The following SLIT3 variants were observed in gnomAD, a reference collection of about 807,000 sequenced individuals.
SLIT3 encodes the protein slit homolog 3 protein.
A neutral mutation model predicts 184.0 loss-of-function variants in SLIT3; 68 were observed. The observed-to-expected ratio is 0.37, with a 90% CI of 0.30 to 0.45. The LOEUF (loss-of-function observed/expected upper bound fraction) is 0.45, where lower values mean the gene tolerates loss of function less well. Ranked by LOEUF, SLIT3 falls within the 20% of genes least tolerant of loss-of-function variation. The pLI, the probability that SLIT3 is intolerant of heterozygous loss-of-function variation, is 1.00. For missense variants in SLIT3, 1,707 were observed against 2,026.0 expected, an observed-to-expected ratio of 0.84 and a Z score of 3.02; for synonymous variants, 831 against 828.6, an observed-to-expected ratio of 1.00 and a Z score of -0.05.
chr5:169,280,432 C>G (rs1766959349), intron 1 of SLIT3, among the ~76,000 whole-genome samples: 1 of 152,152 alleles, frequency 6.6e-6, no homozygotes, highest in Non-Finnish European at 1.5e-5. Flanking sequence ...CAATCACATC[C>G]TCCCCACAGG....
chr5:168,786,815 C>G (rs766927333), intron 11 of SLIT3, among the ~76,000 whole-genome samples: 48 of 152,246 alleles, frequency 3.2e-4, no homozygotes, highest in Non-Finnish European at 5.4e-4. Context: ...CGGCTGGCCT[C>G]TCTCTGCTCC....
At chr5:168,957,035 C>T (rs1762849149) in intron 4 of SLIT3, among the ~76,000 whole-genome samples, 1 of 151,534 alleles carries the variant, frequency 6.6e-6, no homozygotes, top group Admixed American at 6.6e-5. Flanking sequence ...TCGAGAGCAG[C>T]CTGACCAACA....
intron 4 of SLIT3, among the ~76,000 whole-genome samples, chr5:169,125,487 C>T (rs926686022): frequency 2.0e-5 from 3 of 152,192 alleles, no homozygotes; most frequent in African/African-American, 7.2e-5. Context: ...GAGAAATGCC[C>T]TTCTTTGGGA....
Position 168,823,218 on chromosome 5 carries a change from G to C in SLIT3, c.629+42C>G, listed in dbSNP as rs377293747. 3.3e-6 allele frequency: 5 copies of C among 1,502,700 alleles called. No individual in the cohort carries two copies. The South Asian group carries it at 3.4e-5, about 10-fold the overall frequency. The allele number at this position is 1,502,700 out of a possible 1,614,324, so 93.1% of individuals were successfully genotyped here. A position where few individuals can be genotyped will look rare whatever the true frequency, so the allele number is the denominator to read the frequency against. ...GTAGAGTGCTGCACTTTGGGCGTGA[G>C]GTAGGGAGAAAATGGGAGAGATGCA... On this transcript the variant is annotated intron_variant, in intron 7 of 35. Transcript: ENST00000519560.
At chr5:168,968,839 T>C (rs1469701669) in intron 4 of SLIT3, among the ~76,000 whole-genome samples, 3 of 152,188 alleles carry the variant, frequency 2.0e-5, no homozygotes, top group Admixed American at 2.0e-4. Context: ...TCTGACTCTT[T>C]CTAGCCGTGT....
At chr5:168,954,688 C>T (rs556333098) in intron 4 of SLIT3, among the ~76,000 whole-genome samples, 2 of 152,340 alleles carry the variant, frequency 1.3e-5, no homozygotes, top group African/African-American at 2.4e-5. Context: ...GACCCTAGCA[C>T]TGAGGGAGCT....
At chr5:168,806,761 C>G (rs1315625401) in intron 8 of SLIT3, among the ~76,000 whole-genome samples, 174 bp from the exon 9 acceptor site, 1 of 152,184 alleles carries the variant, frequency 6.6e-6, no homozygotes. Context: ...GCTAAATATT[C>G]AGCAAAGAGG....
intron 1 of SLIT3, among the ~76,000 whole-genome samples, chr5:169,265,351 G>A (rs1345084542): frequency 1.3e-5 from 2 of 152,128 alleles, no homozygotes; most frequent in Non-Finnish European, 2.9e-5. Context: ...CTACAATTCT[G>A]GCTTGTCTCC....
intron 23 of SLIT3, among the ~76,000 whole-genome samples, chr5:168,718,898 T>A (rs1220911300): frequency 1.3e-5 from 2 of 152,194 alleles, no homozygotes; most frequent in African/African-American, 4.8e-5. Flanking sequence ...TTCTGAAAGT[T>A]TAATTAAAAG....
At chr5:169,247,140 C>T (rs958603942) in intron 2 of SLIT3, among the ~76,000 whole-genome samples, 5 of 149,026 alleles carry the variant, frequency 3.4e-5, no homozygotes, top group African/African-American at 5.0e-5. Context: ...CACTTGAACC[C>T]GGGAGGTGGA....
chr5:168,941,176 TC>T, intron 4 of SLIT3, among the ~76,000 whole-genome samples: 1 of 152,316 alleles, frequency 6.6e-6, no homozygotes, highest in East Asian at 1.9e-4. Flanking sequence ...TTGGGGGGCT[TC>T]CACAAAGTTT....
At position 168,913,208 on chromosome 5, in the gene SLIT3, T is replaced by A. The variant is rs73802453; in HGVS notation, c.414-29872A>T. 6.4e-3 allele frequency among the ~76,000 whole-genome samples: 964 copies of A among 150,978 alleles called. 6 individuals carry two copies. Among genetic ancestry groups the A allele is most frequent in the African/African-American group, 0.021 (884 of 41,254 alleles). On this transcript the variant is annotated intron_variant, in intron 4 of 35. Coordinates refer to ENST00000519560, the MANE Select transcript of SLIT3 (RefSeq NM_003062.4). Reference sequence around the variant, plus strand: ...TACTTCCAATGGCAAAGGGTTAGGGTCAGGGTTAGGGTTTGCCATTATTTC... The same window carrying A: ...TACTTCCAATGGCAAAGGGTTAGGGACAGGGTTAGGGTTTGCCATTATTTC...
intron 4 of SLIT3, among the ~76,000 whole-genome samples, chr5:168,885,533 C>T (rs1760163165): frequency 6.6e-6 from 1 of 152,232 alleles, no homozygotes; most frequent in Non-Finnish European, 1.5e-5. Flanking sequence ...CTGGGCAGCA[C>T]CCGAGGCTCT....
At chr5:169,033,119 A>G (rs748330724) in intron 4 of SLIT3, among the ~76,000 whole-genome samples, 4 of 151,666 alleles carry the variant, frequency 2.6e-5, no homozygotes, top group Non-Finnish European at 5.9e-5. Flanking sequence ...CCTGCCTGGT[A>G]ATCACTGTTT....
chr5:168,779,881 T>C (rs1755904935), intron 12 of SLIT3, among the ~76,000 whole-genome samples: 1 of 152,152 alleles, frequency 6.6e-6, no homozygotes, highest in African/African-American at 2.4e-5. Context: ...CCAGGTCCAT[T>C]ATGATCCACT....
At chr5:169,193,652 T>G in intron 3 of SLIT3, 102 bp from the exon 4 acceptor site, 1 of 864,596 alleles carries the variant, frequency 1.2e-6, no homozygotes, top group Non-Finnish European at 2.0e-6. Flanking sequence ...CAATAGGCAT[T>G]AAGAGACTCT....
At chr5:169,187,893 C>T (rs1300387430) in intron 4 of SLIT3, among the ~76,000 whole-genome samples, 3 of 152,038 alleles carry the variant, frequency 2.0e-5, no homozygotes, top group Non-Finnish European at 4.4e-5. Context: ...AGTTGTGAAC[C>T]CATGTGTCCC....
intron 20 of SLIT3, among the ~76,000 whole-genome samples, chr5:168,731,946 C>G (rs1424344988): frequency 2.6e-5 from 4 of 151,988 alleles, no homozygotes; most frequent in African/African-American, 4.8e-5. Flanking sequence ...GAAGTCCTCA[C>G]CAGAGCAATC....
chr5:169,015,856 G>A (rs755331640), intron 4 of SLIT3, among the ~76,000 whole-genome samples: 11 of 151,202 alleles, frequency 7.3e-5, no homozygotes, highest in African/African-American at 2.2e-4. Flanking sequence ...ATTGTTTGAG[G>A]CTGTAGTGAG....
Sources: allele counts gnomAD v4.1 joint callset (sites outside exome capture counted in the v4.1 genomes callset), GRCh38; gene constraint gnomAD v4.1.1; transcripts MANE v1.5; gene names NCBI Gene and HGNC (gene_info 2026-07-23, HGNC 2026-07-21).